TBC1D9: variants seen among roughly 807,000 people sequenced by gnomAD.
TBC1D9 encodes the protein TBC1 domain family member 9.
A neutral mutation model predicts 132.0 loss-of-function variants in TBC1D9; 63 were observed. The observed-to-expected ratio is 0.48, with a 90% CI of 0.39 to 0.59. The LOEUF (loss-of-function observed/expected upper bound fraction) is 0.59, where lower values mean the gene tolerates loss of function less well. Among genes scored for constraint, TBC1D9 ranks in the 20% least tolerant of loss-of-function variants. The pLI, the probability that TBC1D9 is intolerant of heterozygous loss-of-function variation, is 0.00. For synonymous variants in TBC1D9, 610 were observed against 609.9 expected (o/e 1.00, Z 0.00); for missense variants, 1,261 against 1,592.7 (o/e 0.79, Z 3.54).
intron 1 of TBC1D9, among the ~76,000 whole-genome samples, chr4:140,707,901 T>C (rs538000941): frequency 6.6e-6 from 1 of 152,216 alleles, no homozygotes; most frequent in African/African-American, 2.4e-5. Flanking sequence ...GGCAATTAAC[T>C]GTTAGCTTTT....
Position 140,622,891 on chromosome 4 carries a change from T to C in TBC1D9, c.3105A>G (p.Thr1035=). The C allele has an allele frequency of 6.4e-7, 1 of 1,558,964 alleles. No individual in the cohort carries two copies. Residue 1035 remains threonine (T), a synonymous_variant, in exon 21 of 21, where the codon ACA becomes ACG. Coordinates refer to ENST00000442267, the MANE Select transcript of TBC1D9 (RefSeq NM_015130.3). The stretch of plus-strand genomic sequence containing the variant: ...GGTCTTCGCTGAACATGTTATACAT[T>C]GTCTTACACAGTTCAATGAACTGCC... ...NQGQFIELCK[T]MYNMFSEDPN...
chr4:140,710,537 G>A (rs752939321), intron 1 of TBC1D9, among the ~76,000 whole-genome samples: 9 of 152,272 alleles, frequency 5.9e-5, no homozygotes, highest in Admixed American at 2.6e-4. Flanking sequence ...TAAACAAACA[G>A]AGCAGAAAAC....
At chr4:140,755,789 A>C (rs1220756128) in intron 1 of TBC1D9, 127 bp downstream of exon 1, 1 of 1,333,464 alleles carries the variant, frequency 7.5e-7, no homozygotes, top group Non-Finnish European at 9.6e-7. Context: ...CCTCGCATAC[A>C]ACGAGGCAGG....
chr4:140,643,104 G>A lies in TBC1D9; in HGVS notation c.2338-3676C>T, dbSNP rs1578820597. 9 of 1,395,434 alleles carry A rather than the reference G, an allele frequency of 6.4e-6. No homozygotes were observed. The East Asian group carries it at 1.5e-4, about 23-fold the overall frequency. The allele number at this position is 1,395,434 out of a possible 1,614,324, so 86.4% of individuals were successfully genotyped here. On this transcript the variant is annotated intron_variant, in intron 13 of 20. Transcript: ENST00000442267. ...GTGGGCTTCAGCTCCCGTGGGAGCC[G>A]CAGGTTCTTGAGCGGGTCCCACCAC...
At chr4:140,647,583 T>C (rs1737121946) in intron 13 of TBC1D9, among the ~76,000 whole-genome samples, 1 of 152,190 alleles carries the variant, frequency 6.6e-6, no homozygotes, top group Non-Finnish European at 1.5e-5. Flanking sequence ...CCAATAATAG[T>C]AACTAATATT....
intron 13 of TBC1D9, chr4:140,642,932 C>T: frequency 1.6e-6 from 1 of 612,458 alleles, no homozygotes; most frequent in South Asian, 2.1e-5. Context: ...GCTGCAGCTT[C>T]ACCAGCTCAT....
intron 1 of TBC1D9, among the ~76,000 whole-genome samples, chr4:140,737,831 C>A (rs1300425983): frequency 1.3e-5 from 2 of 152,126 alleles, no homozygotes; most frequent in East Asian, 3.8e-4. Context: ...GCTCTTAATT[C>A]TTTGATTCAC....
In TBC1D9 at chr4:140,678,988, G is replaced by A. The variant is rs1737665492; in HGVS notation, c.805C>T (p.Pro269Ser). The change falls in exon 5 of 21, where the codon CCC (proline) becomes TCC (serine). Residue 269 changes from proline to serine, a missense_variant. By Grantham distance (74) the Pro-to-Ser change is moderately conservative (BLOSUM62 -1). This residue lies in a region of TBC1D9 where 550 missense variants were observed against 699.0 expected (regional missense o/e 0.79). Transcript: ENST00000442267. ...NEGFEQDRSL[P>S]KLKRKSPKKV... ...TTAGGAGATTTCCTTTTGAGTTTGG[G>A]CAGGGATCGATCTTGTTCAAATCCC... is the stretch of plus-strand genomic sequence containing the variant. 6.2e-7 allele frequency: 1 copy of A among 1,613,852 alleles called. No individual in the cohort carries two copies. The highest frequency in any genetic ancestry group is 8.5e-7 in the Non-Finnish European group (1 of 1,179,822).
chr4:140,661,070 A>G (rs2111000484), intron 10 of TBC1D9, among the ~76,000 whole-genome samples: 1 of 152,142 alleles, frequency 6.6e-6, no homozygotes, highest in African/African-American at 2.4e-5. Context: ...ACCTGCCACC[A>G]CGCCTGGCTA....
rs1377981358 is a variant in TBC1D9, at chr4:140,706,069, CT to C, written c.131-4456del. ...ACAGTCACCACTGCACAACTGCAGC[CT>C]AGCTGGGAGCTGGTACAGGTGGCAG... is the stretch of plus-strand genomic sequence containing the variant. On this transcript the variant is annotated intron_variant, in intron 1 of 20. Transcript: ENST00000442267. The surrounding 1 kb of genome is among the most constrained non-coding windows in gnomAD (Gnocchi z 4.0). Among the ~76,000 whole-genome samples, 1 of 152,186 alleles carries C rather than the reference CT, an allele frequency of 6.6e-6. No individual in the cohort carries two copies. The highest frequency in any genetic ancestry group is 1.5e-5 in the Non-Finnish European group (1 of 68,038).
chr4:140,625,668 A>G (rs1358419592), intron 18 of TBC1D9, among the ~76,000 whole-genome samples: 1 of 152,234 alleles, frequency 6.6e-6, no homozygotes, highest in Non-Finnish European at 1.5e-5. Context: ...TATTTAATGT[A>G]TGGTAAGTCC....
intron 6 of TBC1D9, among the ~76,000 whole-genome samples, chr4:140,672,598 G>T (rs572015008): frequency 6.6e-6 from 1 of 152,082 alleles, no homozygotes; most frequent in South Asian, 2.1e-4. Flanking sequence ...AAATTCCTTC[G>T]TCTAGCTGGA....
intron 13 of TBC1D9, chr4:140,642,349 C>A: frequency 2.4e-6 from 2 of 819,872 alleles, no homozygotes; most frequent in Non-Finnish European, 2.1e-6. Flanking sequence ...CTGGCTTTGG[C>A]GGCCCTTTTG....
At chr4:140,625,092 T>TA (rs1220054909) in intron 18 of TBC1D9, among the ~76,000 whole-genome samples, 5 of 152,130 alleles carry the variant, frequency 3.3e-5, no homozygotes, top group East Asian at 1.9e-4. Context: ...ACATAGCCTT[T>TA]AGTACTTAAA....
intron 1 of TBC1D9, among the ~76,000 whole-genome samples, chr4:140,723,919 A>T (rs1047288523): frequency 3.3e-5 from 5 of 151,830 alleles, no homozygotes; most frequent in African/African-American, 9.7e-5. Flanking sequence ...ATTTATTTTT[A>T]TTTTATAGAG....
At chr4:140,645,130 G>T in intron 13 of TBC1D9, 2 of 561,196 alleles carry the variant, frequency 3.6e-6, no homozygotes, top group Middle Eastern at 3.3e-4. Flanking sequence ...CAGCTGGTAG[G>T]GTGCACGTGG....
At position 140,621,908 on chromosome 4, in the gene TBC1D9, A is replaced by G. The variant is rs138578098; in HGVS notation, c.*287T>C. The stretch of plus-strand genomic sequence containing the variant: ...TCAACAGCAAGATTAATAAGTTATA[A>G]TACACACATATCACTGACAGATTCA... On this transcript the variant is annotated 3_prime_UTR_variant, in exon 21 of 21. Transcript: ENST00000442267. 765 of 302,934 alleles carry G rather than the reference A, an allele frequency of 2.5e-3. 4 individuals are homozygous for G. The highest frequency in any genetic ancestry group is 0.015 in the African/African-American group (723 of 46,902). 18.8% of individuals were successfully genotyped at this position (302,934 alleles called of 1,614,324 possible).
At chr4:140,671,674 C>CTGTGTGTG (rs34072180) in intron 6 of TBC1D9, among the ~76,000 whole-genome samples, 1,853 of 141,794 alleles carry the variant, frequency 0.013, 28 homozygotes, top group African/African-American at 0.026. Flanking sequence ...AACTACCAGA[C>CTGTGTGTG]TGTGTGTGTG....
intron 1 of TBC1D9, among the ~76,000 whole-genome samples, chr4:140,710,145 T>C (rs1230587722): frequency 6.6e-6 from 1 of 152,126 alleles, no homozygotes; most frequent in African/African-American, 2.4e-5. Flanking sequence ...GTTTTCACAA[T>C]GCAAACCAAT....
Sources: gnomAD v4.1 joint callset for allele counts (sites outside exome capture counted in the v4.1 genomes callset) on GRCh38, gnomAD v4.1.1 for gene constraint, gnomAD v4.1.1 regional missense constraint, Gnocchi (gnomAD v3.1) non-coding constraint, MANE v1.5 for transcripts, NCBI Gene and HGNC (gene_info 2026-07-23, HGNC 2026-07-21) for gene names.